Variants in PHACTR3 observed in about 807,000 individuals in gnomAD.
The protein encoded by PHACTR3 is phosphatase and actin regulator 3, also known as protein phosphatase 1, regulatory subunit 123.
A neutral mutation model predicts 66.8 loss-of-function variants in PHACTR3; 16 were observed. That is an observed-to-expected ratio of 0.24 (90% confidence interval 0.16 to 0.36). The LOEUF (loss-of-function observed/expected upper bound fraction) is 0.36, where lower values mean the gene tolerates loss of function less well. PHACTR3 is among the 10% of genes least tolerant of loss of function. The pLI, the probability that PHACTR3 is intolerant of heterozygous loss-of-function variation, is 1.00. For missense variants in PHACTR3, 647 were observed against 719.9 expected, an observed-to-expected ratio of 0.90 and a Z score of 1.16; for synonymous variants, 323 against 292.1, an observed-to-expected ratio of 1.11 and a Z score of -1.08.
At chr20:59,606,186 G>T (rs2033662351) in intron 1 of PHACTR3, among the ~76,000 whole-genome samples, 1 of 152,128 alleles carries the variant, frequency 6.6e-6, no homozygotes, top group African/African-American at 2.4e-5. Context: ...CAGAATCCCT[G>T]GGGCCCGGGT....
chr20:59,822,364 TG>T (rs946056516), intron 8 of PHACTR3, among the ~76,000 whole-genome samples: 1 of 141,754 alleles, frequency 7.1e-6, no homozygotes, highest in African/African-American at 2.7e-5. Flanking sequence ...GGGCCTAGGA[TG>T]GGGGGAAGAA....
At chr20:59,705,513 T>C (rs907614021) in intron 1 of PHACTR3, among the ~76,000 whole-genome samples, 3 of 152,220 alleles carry the variant, frequency 2.0e-5, no homozygotes, top group Non-Finnish European at 4.4e-5. Flanking sequence ...ATTTATCTTA[T>C]TACTTATTAT....
chr20:59,795,399 C>A (rs956438405), intron 7 of PHACTR3, among the ~76,000 whole-genome samples: 1 of 7,688 alleles, frequency 1.3e-4, no homozygotes, highest in African/African-American at 1.3e-3. Flanking sequence ...TGTTTTCTGG[C>A]CTAATATATT....
At chr20:59,796,479 G>A (rs560143637) in intron 7 of PHACTR3, among the ~76,000 whole-genome samples, 1 of 152,244 alleles carries the variant, frequency 6.6e-6, no homozygotes, top group South Asian at 2.1e-4. Context: ...TTTCATGATA[G>A]TAATTATTGT....
chr20:59,803,082 G>T (rs191297041), intron 7 of PHACTR3, among the ~76,000 whole-genome samples: 3 of 152,254 alleles, frequency 2.0e-5, no homozygotes, highest in South Asian at 4.2e-4. Context: ...TGACAGTTTG[G>T]GGGGAATGAG....
intron 1 of PHACTR3, among the ~76,000 whole-genome samples, chr20:59,741,729 G>C (rs1457293088): frequency 2.0e-5 from 3 of 150,422 alleles, no homozygotes; most frequent in Non-Finnish European, 4.4e-5. Context: ...CCTGCCAACA[G>C]CCAGGGCTCC....
chr20:59,820,415 C>T lies in PHACTR3; in HGVS notation c.1328+14221C>T, dbSNP rs376618634. Among the ~76,000 whole-genome samples the T allele has an allele frequency of 2.7e-4, 41 of 152,304 alleles. No individual in the cohort carries two copies. Among genetic ancestry groups the T allele is most frequent in the African/African-American group, 6.7e-4 (28 of 41,566 alleles). ...GTGGCTATCATGTATGGATCTTGTA[C>T]GTTCTGCTTTTAGATGGAGGTAGCT... is the stretch of plus-strand genomic sequence containing the variant. On this transcript the variant is annotated intron_variant, in intron 8 of 12. Transcript: ENST00000371015. The surrounding 1 kb of genome is among the most constrained non-coding windows in gnomAD (Gnocchi z 4.6).
chr20:59,818,517 G>A (rs1169389337), intron 8 of PHACTR3, among the ~76,000 whole-genome samples: 2 of 152,220 alleles, frequency 1.3e-5, no homozygotes, highest in Non-Finnish European at 2.9e-5. Flanking sequence ...CATACTCATA[G>A]AGTTGTATTT....
At position 59,734,543 on chromosome 20, in the gene PHACTR3, TTC is replaced by T. The variant is rs141208845; in HGVS notation, c.119-8562_119-8561del. On this transcript the variant is annotated intron_variant, in intron 1 of 12. Transcript: ENST00000371015. ...AAGCCACTGAGCCCAGGCCTAAAAA[TTC>T]TGTTTGTTTGTTTTTTTCTGAGACT... Among the ~76,000 whole-genome samples, 1,071 of 152,240 alleles carry T rather than the reference TTC, an allele frequency of 7.0e-3. 11 individuals carry two copies. The highest frequency in any genetic ancestry group is 0.024 in the African/African-American group (1,002 of 41,568).
rs565469607 is a variant in PHACTR3 at position 59,720,200 on chromosome 20, G to A, written c.119-22907G>A. Among the ~76,000 whole-genome samples, 14 of 152,294 alleles carry A rather than the reference G, an allele frequency of 9.2e-5. No homozygotes were observed. The South Asian group carries it at 1.9e-3, about 20-fold the overall frequency. ...TCGAGCAGGCTAGCATATCTGGTCC[G>A]AAAAGTCGCCATTTCTTTGGGTGGG... On this transcript the variant is annotated intron_variant, in intron 1 of 12. Transcript: ENST00000371015.
chr20:59,629,276 G>A (rs1463400719), intron 1 of PHACTR3, among the ~76,000 whole-genome samples: 2 of 152,162 alleles, frequency 1.3e-5, no homozygotes, highest in African/African-American at 4.8e-5. Context: ...CCAGGCCTCT[G>A]CTTCTCTGGT....
intron 7 of PHACTR3, among the ~76,000 whole-genome samples, chr20:59,783,092 G>C (rs1421645962): frequency 1.3e-5 from 2 of 152,216 alleles, no homozygotes; most frequent in Non-Finnish European, 2.9e-5. Flanking sequence ...GTAAAGTGAA[G>C]AGCCACCTGC....
intron 4 of PHACTR3, among the ~76,000 whole-genome samples, chr20:59,760,140 A>T (rs990870324): frequency 8.5e-5 from 13 of 152,288 alleles, no homozygotes; most frequent in Admixed American, 6.5e-4. Context: ...GGCAACATCC[A>T]GGACTGGAGT....
chr20:59,824,970 C>T (rs2042143481), intron 8 of PHACTR3, among the ~76,000 whole-genome samples: 1 of 152,216 alleles, frequency 6.6e-6, no homozygotes, highest in Non-Finnish European at 1.5e-5. Flanking sequence ...AACAGCAGCC[C>T]AGTTCTACTA....
intron 10 of PHACTR3, among the ~76,000 whole-genome samples, chr20:59,840,856 G>T (rs1329983898): frequency 2.0e-5 from 3 of 152,092 alleles, no homozygotes; most frequent in African/African-American, 7.2e-5. Flanking sequence ...TAGACTCAAA[G>T]GTTTGTTCTC....
In PHACTR3 at chr20:59,579,251, G is replaced by A. The variant is rs188022089; in HGVS notation, c.109+1634G>A. ...CACCTGTTCCTTGTGCTCCTCAGTC[G>A]CTGGGCATTTTTAAAATAGTTCTGC... On this transcript the variant is annotated intron_variant, in intron 1 of 12. Transcript: ENST00000359926. Among the ~76,000 whole-genome samples the A allele has an allele frequency of 5.3e-5, 8 of 152,338 alleles. No homozygotes were observed. The East Asian group carries it at 9.7e-4, about 18-fold the overall frequency.
chr20:59,795,488 A>G lies in PHACTR3; in HGVS notation c.1175-10553A>G, dbSNP rs1222497724. Among the ~76,000 whole-genome samples, 3 of 152,126 alleles carry G rather than the reference A, an allele frequency of 2.0e-5. No homozygotes were observed. In the East Asian group the frequency reaches 5.8e-4, roughly 29 times the overall value. ...TGGATAGAATGTTCTGTAAATGTAC[A>G]TTATGTCTGTTTTGTCTAAAGTACA... On this transcript the variant is annotated intron_variant, in intron 7 of 12. Transcript: ENST00000371015.
At chr20:59,751,852 G>A (rs528131374) in intron 3 of PHACTR3, among the ~76,000 whole-genome samples, 29 of 151,988 alleles carry the variant, frequency 1.9e-4, no homozygotes, top group Non-Finnish European at 2.9e-4. Context: ...TCGGATATCC[G>A]TGACTAAGTG....
intron 1 of PHACTR3, among the ~76,000 whole-genome samples, chr20:59,723,123 G>GTCTTT (rs2038410641): frequency 2.0e-5 from 1 of 50,024 alleles, no homozygotes; most frequent in African/African-American, 7.9e-5. Context: ...TCTTTCTTCA[G>GTCTTT]CTTTATTGAA....
Sources: allele counts gnomAD v4.1 joint callset (sites outside exome capture counted in the v4.1 genomes callset), GRCh38; gene constraint gnomAD v4.1.1; non-coding constraint Gnocchi (gnomAD v3.1); transcripts MANE v1.5; gene names NCBI Gene and HGNC (gene_info 2026-07-23, HGNC 2026-07-21).